Variants in NECAB1 observed in about 807,000 individuals in gnomAD.
The protein encoded by NECAB1 is N-terminal EF-hand calcium-binding protein 1.
Under a neutral mutation model 57.5 loss-of-function variants are expected in NECAB1, and 29 were observed. The ratio of observed to expected loss-of-function variants is 0.50; its 90% confidence interval spans 0.38 to 0.69. NECAB1 has a LOEUF of 0.69. NECAB1 is among the 30% of genes least tolerant of loss of function. The pLI, the probability that NECAB1 is intolerant of heterozygous loss-of-function variation, is 0.00. For missense variants in NECAB1, 372 were observed against 413.8 expected, an observed-to-expected ratio of 0.90 and a Z score of 0.88; for synonymous variants, 142 against 147.7, an observed-to-expected ratio of 0.96 and a Z score of 0.28.
chr8:90,909,248 A>G (rs1278372211), intron 5 of NECAB1, among the ~76,000 whole-genome samples: 1 of 152,154 alleles, frequency 6.6e-6, no homozygotes, highest in Admixed American at 6.6e-5. Flanking sequence ...GCCATTGGCC[A>G]AATTCTGCCA....
chr8:90,907,834 C>T (rs1462585879), intron 5 of NECAB1, among the ~76,000 whole-genome samples: 1 of 152,060 alleles, frequency 6.6e-6, no homozygotes, highest in Non-Finnish European at 1.5e-5. Flanking sequence ...TAAAAAATTA[C>T]CAGAATATTT....
chr8:90,945,357 T>C (rs936485979), intron 10 of NECAB1, among the ~76,000 whole-genome samples: 7 of 152,128 alleles, frequency 4.6e-5, no homozygotes, highest in Non-Finnish European at 8.8e-5. Flanking sequence ...TGAGCTACCG[T>C]GCCGGGCCAT....
At chr8:90,870,647 C>T (rs1808607164) in intron 3 of NECAB1, among the ~76,000 whole-genome samples, 1 of 152,174 alleles carries the variant, frequency 6.6e-6, no homozygotes, top group South Asian at 2.1e-4. Flanking sequence ...TTTCCGGACA[C>T]CTTTTGCCAA....
At chr8:90,941,524 T>A (rs1306221389) in intron 10 of NECAB1, among the ~76,000 whole-genome samples, 4 of 152,224 alleles carry the variant, frequency 2.6e-5, no homozygotes, top group Admixed American at 6.5e-5. Context: ...AATAAATAGT[T>A]ACTATAATAA....
intron 2 of NECAB1, among the ~76,000 whole-genome samples, chr8:90,813,448 G>A (rs1256197493): frequency 6.6e-6 from 1 of 151,890 alleles, no homozygotes; most frequent in East Asian, 1.9e-4. Flanking sequence ...ATTTTGCCAT[G>A]TTGATAATGT....
chr8:90,857,718 C>T (rs935239582), intron 3 of NECAB1, among the ~76,000 whole-genome samples: 1 of 152,064 alleles, frequency 6.6e-6, no homozygotes, highest in East Asian at 1.9e-4. Context: ...GTCAACCTCT[C>T]CTATATTATC....
chr8:90,853,924 C>T (rs544860247), intron 3 of NECAB1, among the ~76,000 whole-genome samples: 1 of 115,758 alleles, frequency 8.6e-6, no homozygotes, highest in African/African-American at 5.1e-5. Context: ...TAAGGGAAAA[C>T]AGGAATTAGG....
chr8:90,818,232 A>G (rs553855778), intron 2 of NECAB1, among the ~76,000 whole-genome samples: 2 of 151,798 alleles, frequency 1.3e-5, no homozygotes, highest in African/African-American at 2.4e-5. Flanking sequence ...AATCTTTTCA[A>G]TCATATTTTA....
chr8:90,822,467 C>A (rs983986249), intron 2 of NECAB1, among the ~76,000 whole-genome samples: 2 of 151,914 alleles, frequency 1.3e-5, no homozygotes, highest in South Asian at 2.1e-4. Context: ...TCAAAGCATA[C>A]TTTCCACCCT....
intron 5 of NECAB1, among the ~76,000 whole-genome samples, chr8:90,916,690 T>C (rs1586121183): frequency 6.6e-6 from 1 of 152,236 alleles, no homozygotes; most frequent in East Asian, 1.9e-4. Flanking sequence ...ACCAACCTGG[T>C]TTTTGTTGTT....
At chr8:90,872,103 G>GC (rs1554569994) in intron 3 of NECAB1, 25 bp from the exon 4 acceptor site, 13 of 1,494,268 alleles carry the variant, frequency 8.7e-6, no homozygotes, top group African/African-American at 2.8e-5. Flanking sequence ...TAATAACACT[G>GC]TTTTTTTTTG....
At chr8:90,891,145 A>T (rs1809155660) in intron 5 of NECAB1, among the ~76,000 whole-genome samples, 1 of 152,240 alleles carries the variant, frequency 6.6e-6, no homozygotes, top group African/African-American at 2.4e-5. Flanking sequence ...TGGGGAATAC[A>T]GAGTGTTTGA....
At chr8:90,888,270 A>G (rs147741961) in intron 5 of NECAB1, among the ~76,000 whole-genome samples, 50 of 152,328 alleles carry the variant, frequency 3.3e-4, no homozygotes, top group Admixed American at 2.8e-3. Context: ...TGTTCTATTT[A>G]AAAAGAAAAG....
chr8:90,818,786 T>C (rs950261725), intron 2 of NECAB1, among the ~76,000 whole-genome samples: 1 of 151,996 alleles, frequency 6.6e-6, no homozygotes, highest in Non-Finnish European at 1.5e-5. Context: ...TTGGTTTCTG[T>C]CATGAATTTT....
chr8:90,843,675 G>T (rs182715223), intron 3 of NECAB1, among the ~76,000 whole-genome samples: 308 of 152,342 alleles, frequency 2.0e-3, no homozygotes, highest in South Asian at 3.9e-3. Context: ...CGCTTAAACA[G>T]ATATTTATTG....
intron 5 of NECAB1, among the ~76,000 whole-genome samples, chr8:90,900,412 T>C (rs1169906397): frequency 6.6e-6 from 1 of 152,214 alleles, no homozygotes; most frequent in Non-Finnish European, 1.5e-5. Flanking sequence ...GAACACAGAC[T>C]TAGCCAGTTC....
intron 3 of NECAB1, among the ~76,000 whole-genome samples, chr8:90,848,931 A>G (rs1233487848): frequency 6.6e-6 from 1 of 152,198 alleles, no homozygotes; most frequent in African/African-American, 2.4e-5. Flanking sequence ...GGTCTGTGTG[A>G]CAAGAGTGAG....
intron 1 of NECAB1, among the ~76,000 whole-genome samples, chr8:90,796,713 G>A (rs377048386): frequency 1.3e-4 from 20 of 152,150 alleles, no homozygotes; most frequent in Admixed American, 1.2e-3. Flanking sequence ...CCTTAAGATC[G>A]GCTGACACAG....
chr8:90,844,054 T>C (rs1812508868), intron 3 of NECAB1, among the ~76,000 whole-genome samples: 1 of 152,212 alleles, frequency 6.6e-6, no homozygotes, highest in Admixed American at 6.5e-5. Context: ...GAACTTTTTT[T>C]TTCCTGTAAC....
Sources: gnomAD v4.1 joint callset for allele counts (sites outside exome capture counted in the v4.1 genomes callset) on GRCh38, gnomAD v4.1.1 for gene constraint, MANE v1.5 for transcripts, NCBI Gene and HGNC (gene_info 2026-07-23, HGNC 2026-07-21) for gene names.